The following NCAM2 variants were observed in gnomAD, a reference collection of about 807,000 sequenced individuals.
The protein encoded by NCAM2 is N-CAM-2.
In NCAM2, 30 loss-of-function variants were observed where a neutral mutation model predicts 98.1. That is an observed-to-expected ratio of 0.31 (90% CI 0.23 to 0.41). The LOEUF (loss-of-function observed/expected upper bound fraction) is 0.41, where lower values mean the gene tolerates loss of function less well. Among genes scored for constraint, NCAM2 ranks in the 10% least tolerant of loss-of-function variants. The pLI is 1.00. For missense variants in NCAM2, 867 were observed against 1,005.8 expected, an observed-to-expected ratio of 0.86 and a Z score of 1.87; for synonymous variants, 368 against 342.4, an observed-to-expected ratio of 1.07 and a Z score of -0.83.
chr21:21,508,249 T>G (rs1001103319), intron 15 of NCAM2, among the ~76,000 whole-genome samples: 1 of 152,166 alleles, frequency 6.6e-6, no homozygotes. Flanking sequence ...TGTTAAAATA[T>G]TAACTGGAGA....
intron 1 of NCAM2, among the ~76,000 whole-genome samples, chr21:21,122,965 A>G (rs571023171): frequency 6.6e-6 from 1 of 152,356 alleles, no homozygotes; most frequent in South Asian, 2.1e-4. Context: ...AACCTTCCTC[A>G]GCTGACTTCT....
intron 15 of NCAM2, among the ~76,000 whole-genome samples, chr21:21,498,452 A>G (rs1987400061): frequency 6.6e-6 from 1 of 152,268 alleles, no homozygotes; most frequent in South Asian, 2.1e-4. Context: ...ACAGGAGATT[A>G]CATGTTGTAC....
At chr21:21,460,121 G>A (rs56126034) in intron 12 of NCAM2, among the ~76,000 whole-genome samples, 20,574 of 151,708 alleles carry the variant, frequency 0.14, 1,406 homozygotes, top group Non-Finnish European at 0.14. Context: ...AGCATATACA[G>A]TAATATCATT....
intron 1 of NCAM2, among the ~76,000 whole-genome samples, chr21:21,256,487 A>G (rs140488400): frequency 3.9e-4 from 59 of 152,336 alleles, no homozygotes; most frequent in African/African-American, 1.4e-3. Context: ...TATAAGTTTG[A>G]TGATGGACTG....
intron 8 of NCAM2, among the ~76,000 whole-genome samples, chr21:21,362,147 C>T (rs915074211): frequency 1.3e-5 from 2 of 151,836 alleles, no homozygotes; most frequent in African/African-American, 2.4e-5. Context: ...TACAGACCAG[C>T]GTTTGCTTTA....
chr21:21,239,020 C>G (rs1482700220), intron 1 of NCAM2, among the ~76,000 whole-genome samples: 1 of 151,946 alleles, frequency 6.6e-6, no homozygotes, highest in Non-Finnish European at 1.5e-5. Context: ...AAGAATATTT[C>G]AAAACGTTGT....
At chr21:21,276,277 T>C (rs1205158352) in intron 1 of NCAM2, among the ~76,000 whole-genome samples, 1 of 152,068 alleles carries the variant, frequency 6.6e-6, no homozygotes, top group African/African-American at 2.4e-5. Flanking sequence ...TTTTTGAGTA[T>C]GATCATATTT....
chr21:21,019,549 GATA>G (rs1388121324), intron 1 of NCAM2, among the ~76,000 whole-genome samples: 2 of 152,098 alleles, frequency 1.3e-5, no homozygotes. Flanking sequence ...ATAGAATGAG[GATA>G]ATAATATTAG....
intron 15 of NCAM2, among the ~76,000 whole-genome samples, chr21:21,498,283 T>A (rs768509538): frequency 3.9e-5 from 6 of 152,286 alleles, no homozygotes; most frequent in Middle Eastern, 3.4e-3. Context: ...TTTTAAGCAT[T>A]ATTATTTTTA....
In NCAM2 at chr21:21,420,229, T is replaced by C. The variant is rs1478986821; in HGVS notation, c.1480+1660T>C. ...ATAAATTTGTTGAAAATATTTTATT[T>C]TGTATGTATATGTTAATATTCTAGT... is the stretch of plus-strand genomic sequence containing the variant. On this transcript the variant is annotated intron_variant, in intron 11 of 17. Transcript: ENST00000400546. Among the ~76,000 whole-genome samples the C allele has an allele frequency of 3.3e-5, 5 of 152,062 alleles. No homozygotes were observed. The East Asian group carries it at 5.8e-4, about 18-fold the overall frequency.
chr21:21,534,993 A>T (rs556492979), intron 17 of NCAM2, among the ~76,000 whole-genome samples: 1 of 152,152 alleles, frequency 6.6e-6, no homozygotes, highest in Non-Finnish European at 1.5e-5. Context: ...TAAAATAATT[A>T]TATTTACTGA....
intron 1 of NCAM2, among the ~76,000 whole-genome samples, chr21:21,217,922 A>C (rs115837282): frequency 2.2e-3 from 336 of 152,258 alleles, no homozygotes; most frequent in African/African-American, 7.8e-3. Context: ...CTGGTAGGAA[A>C]ATGGAAACCT....
intron 1 of NCAM2, among the ~76,000 whole-genome samples, chr21:21,222,385 A>G (rs1347327498): frequency 6.6e-6 from 1 of 152,174 alleles, no homozygotes; most frequent in African/African-American, 2.4e-5. Flanking sequence ...GGATCTGGGC[A>G]AAGTAAATTG....
At chr21:21,256,402 C>A (rs781686772) in intron 1 of NCAM2, among the ~76,000 whole-genome samples, 2 of 152,056 alleles carry the variant, frequency 1.3e-5, no homozygotes, top group Admixed American at 6.6e-5. Context: ...TAATTACTAG[C>A]CTAGTATAGA....
In NCAM2 at chr21:21,450,298, GTGTT is replaced by G. The variant is rs527650559; in HGVS notation, c.1655-16304_1655-16301del. ...ACTATTTTAATATATGCGTGTGTGT[GTGTT>G]TGTGTGTGTGTGTGTGTGCCTCATG... On this transcript the variant is annotated intron_variant, in intron 12 of 17. Coordinates refer to ENST00000400546, the MANE Select transcript of NCAM2 (RefSeq NM_004540.5). Among the ~76,000 whole-genome samples the G allele has an allele frequency of 4.3e-3, 644 of 151,446 alleles. 9 individuals are homozygous for G. Among genetic ancestry groups the G allele is most frequent in the Non-Finnish European group, 5.6e-3 (378 of 67,954 alleles).
intron 15 of NCAM2, among the ~76,000 whole-genome samples, chr21:21,486,734 A>T (rs1007872145): frequency 5.3e-5 from 8 of 152,182 alleles, no homozygotes; most frequent in African/African-American, 1.9e-4. Flanking sequence ...TTTATCTTGA[A>T]GTTTTACATA....
intron 8 of NCAM2, among the ~76,000 whole-genome samples, chr21:21,356,827 CT>C: frequency 6.6e-6 from 1 of 152,142 alleles, no homozygotes; most frequent in East Asian, 1.9e-4. Context: ...CCCATCTCTA[CT>C]AAAAATACAA....
intron 1 of NCAM2, among the ~76,000 whole-genome samples, chr21:21,202,408 C>CTT (rs11385750): frequency 0.04 from 3,217 of 80,166 alleles, 257 homozygotes; most frequent in East Asian, 0.13. Flanking sequence ...AGCAAATATC[C>CTT]TTTTTTTTTT....
intron 1 of NCAM2, among the ~76,000 whole-genome samples, chr21:21,044,232 G>C (rs1382290384): frequency 1.3e-5 from 2 of 152,144 alleles, no homozygotes; most frequent in South Asian, 4.1e-4. Context: ...ATCTTTTCAA[G>C]TCTATGGAAG....
Sources: allele counts gnomAD v4.1 joint callset (sites outside exome capture counted in the v4.1 genomes callset), GRCh38; gene constraint gnomAD v4.1.1; transcripts MANE v1.5; gene names NCBI Gene and HGNC (gene_info 2026-07-23, HGNC 2026-07-21).